The following VPS9D1 variants were observed in gnomAD, a reference collection of about 807,000 sequenced individuals.
VPS9D1 encodes VPS9 domain-containing protein 1.
In VPS9D1, 78 loss-of-function variants were observed where a neutral mutation model predicts 75.8. The ratio of observed to expected loss-of-function variants is 1.03; its 90% CI spans 0.86 to 1.24. The LOEUF (loss-of-function observed/expected upper bound fraction) is 1.24. Ranked by LOEUF, VPS9D1 falls within the 50% of genes most tolerant of loss-of-function variation. VPS9D1 has a pLI of 0.00. For synonymous variants in VPS9D1, 481 were observed against 385.6 expected, an observed-to-expected ratio of 1.25 and a Z score of -2.90; for missense variants, 1,057 against 847.7, an observed-to-expected ratio of 1.25 and a Z score of -3.07.
At position 89,711,917 on chromosome 16, in the gene VPS9D1, G is replaced by A. The variant is rs969604481; in HGVS notation, c.712C>T (p.Leu238Phe). The A allele has an allele frequency of 4.5e-6, 7 of 1,551,450 alleles. No individual in the cohort carries two copies. The highest frequency in any genetic ancestry group is 3.3e-4 in the Middle Eastern group (2 of 6,006). Residue 238 changes from leucine (L) to phenylalanine (F), a missense_variant, in exon 8 of 15, where the codon CTT (leucine) becomes TTT (phenylalanine). Transcript: ENST00000389386. ...TCGTACTCCAGGATGGCGGCGTAAA[G>A]GGCCCGCTGCTCCCGTTCCTCCGGG... ...LTPEEREQRA[L>F]YAAILEYEQD...
In VPS9D1 at chr16:89,708,505, AG is replaced by A. The variant is rs1346224346; in HGVS notation, c.1723del (p.Leu575CysfsTer6). On this transcript the variant is annotated frameshift_variant, in exon 14 of 15. Transcript: ENST00000389386. LOFTEE classifies it high-confidence loss of function. The stretch of plus-strand genomic sequence containing the variant: ...GCCGCTCCTCAGCACCACGAAGGAC[AG>A]GATGGGCAGCAGGTCATCGGCACCA... ...AIGADDLLPI[L>X]SFVVLRSGLP... 6.2e-7 allele frequency: 1 copy of A among 1,613,124 alleles called. No individual in the cohort carries two copies. The highest frequency in any genetic ancestry group is 1.3e-5 in the African/African-American group (1 of 75,078).
rs1450803040 is a variant in VPS9D1 at position 89,709,632 on chromosome 16, CAG to C, written c.1388+143_1388+144del. 5 of 1,393,610 alleles carry C rather than the reference CAG, an allele frequency of 3.6e-6. No homozygotes were observed. The African/African-American group carries it at 5.8e-5, about 16-fold the overall frequency. The allele number at this position is 1,393,610 out of a possible 1,614,324, so 86.3% of individuals were successfully genotyped here. A position where few individuals can be genotyped will look rare whatever the true frequency, so the allele number is the denominator to read the frequency against. On this transcript the variant is annotated intron_variant, in intron 11 of 14. Transcript: ENST00000389386. ...AACTGGAAGCCCCTGAGGATGGCCT[CAG>C]GGTAAAGCACAGGCTAGGGGGAGCA...
chr16:89,708,574 TCTCA>T lies in VPS9D1; in HGVS notation c.1698-47_1698-44del, dbSNP rs753317950. 3.2e-6 allele frequency: 5 copies of T among 1,575,722 alleles called. No individual in the cohort carries two copies. The African/African-American group carries it at 5.4e-5, about 17-fold the overall frequency. On this transcript the variant is annotated intron_variant, in intron 13 of 14. Coordinates refer to ENST00000389386, the MANE Select transcript of VPS9D1 (RefSeq NM_004913.3). ...CGGCCTTGGGTTGGGGCCAGGAGCC[TCTCA>T]CTCCGCAAACCCAGCAGCTGTGGAG...
Position 89,707,806 on chromosome 16 carries a change from A to T in VPS9D1, c.*55T>A. The stretch of plus-strand genomic sequence containing the variant: ...GATCCCATGGCTCCAGGTGTAGGAG[A>T]GACAGCCCTGGGAGGCGAGGCCAGG... On this transcript the variant is annotated 3_prime_UTR_variant, in exon 15 of 15. Transcript: ENST00000389386. 1 of 1,516,870 alleles carries T rather than the reference A, an allele frequency of 6.6e-7. No homozygotes were observed. Among genetic ancestry groups the T allele is most frequent in the Non-Finnish European group, 9.1e-7 (1 of 1,094,742 alleles). 94.0% of individuals were successfully genotyped at this position (1,516,870 alleles called of 1,614,324 possible).
Position 89,712,601 on chromosome 16 carries a change from T to G in VPS9D1, c.543+4A>C. ...CCCCCAGGCCCTCCCTAGCCCCCAC[T>G]CACCAGGGATGTCTTCTGCATGGCC... On this transcript the variant is annotated splice_donor_region_variant and intron_variant, in intron 5 of 14. Coordinates refer to ENST00000389386, the MANE Select transcript of VPS9D1 (RefSeq NM_004913.3). 1 of 1,608,242 alleles carries G rather than the reference T, an allele frequency of 6.2e-7. No individual in the cohort carries two copies. The highest frequency in any genetic ancestry group is 1.1e-5 in the South Asian group (1 of 90,930).
In VPS9D1 at chr16:89,712,062, T is replaced by G; in HGVS notation, c.644A>C (p.Gln215Pro). Reference protein sequence around the residue: ...RKMEERRLRLQEAANRRFCSQ... With the variant: ...RKMEERRLRLPEAANRRFCSQ... The stretch of plus-strand genomic sequence containing the variant: ...GGAGTCCCACCTGTTGGCGGCCTCC[T>G]GGAGCCGCAGCCGGCGCTCCTCCAT... Residue 215 changes from glutamine (Q) to proline (P), a missense_variant, in exon 7 of 15, where the codon CAG becomes CCG. Gln to Pro is a moderately conservative substitution (Grantham distance 76). Coordinates refer to ENST00000389386, the MANE Select transcript of VPS9D1 (RefSeq NM_004913.3). 2 of 1,548,666 alleles carry G rather than the reference T, an allele frequency of 1.3e-6. No homozygotes were observed. The highest frequency in any genetic ancestry group is 1.7e-6 in the Non-Finnish European group (2 of 1,146,790).
At chr16:89,712,750 G>A in intron 4 of VPS9D1, 34 bp from the exon 5 acceptor site, 2 of 1,512,208 alleles carry the variant, frequency 1.3e-6, no homozygotes, top group East Asian at 2.3e-5. Context: ...CTAGACCCCA[G>A]GAAGCCCAGT....
At chr16:89,715,956 C>T (rs896996513) in intron 4 of VPS9D1, among the ~76,000 whole-genome samples, 2 of 150,578 alleles carry the variant, frequency 1.3e-5, no homozygotes, top group South Asian at 2.2e-4. Flanking sequence ...GGATTACAGG[C>T]GTGAGCCACC....
chr16:89,711,618 TGGGACCCTCCCTCCTCGCA>T (rs946352843), intron 8 of VPS9D1: 69 of 523,034 alleles, frequency 1.3e-4, no homozygotes, highest in Middle Eastern at 5.2e-4. Flanking sequence ...GCACCCTCGC[TGGGACCCTCCCTCCTCGCA>T]GGGACCCTCC....
chr16:89,715,019 G>A (rs1007376895), intron 4 of VPS9D1, among the ~76,000 whole-genome samples: 1 of 152,058 alleles, frequency 6.6e-6, no homozygotes, highest in Non-Finnish European at 1.5e-5. Flanking sequence ...GAACTCCAAC[G>A]AACACGTTAG....
At chr16:89,720,483 C>CT (rs1453738318) in intron 1 of VPS9D1, 1 of 1,112,266 alleles carries the variant, frequency 9.0e-7, no homozygotes, top group African/African-American at 1.6e-5. Context: ...CTGGCGGACC[C>CT]TCCTGCTACA....
chr16:89,711,919 G>T lies in VPS9D1; in HGVS notation c.710C>A (p.Ala237Asp), dbSNP rs1299664247. 1.1e-5 allele frequency: 17 copies of T among 1,551,458 alleles called. No homozygotes were observed. Among genetic ancestry groups the T allele is most frequent in the Non-Finnish European group, 1.5e-5 (17 of 1,147,164 alleles). ...ALTPEEREQR[A>D]LYAAILEYEQ... ...GTACTCCAGGATGGCGGCGTAAAGG[G>T]CCCGCTGCTCCCGTTCCTCCGGGGT... Residue 237 changes from alanine to aspartate, a missense_variant, in exon 8 of 15, where the codon GCC (alanine) becomes GAC (aspartate). Transcript: ENST00000389386.
At chr16:89,712,353 C>T (rs2060952052) in intron 6 of VPS9D1, 107 bp downstream of exon 6, 5 of 1,526,746 alleles carry the variant, frequency 3.3e-6, no homozygotes, top group East Asian at 2.3e-5. Flanking sequence ...CGGCCCTGTA[C>T]CCCGACCCCG....
rs755195545 is a variant in VPS9D1 at position 89,709,354 on chromosome 16, G to A, written c.1470C>T (p.Ile490=). Residue 490 remains isoleucine (I), a synonymous_variant, in exon 12 of 15, where the codon ATC becomes ATT. Transcript: ENST00000389386. The part of the protein sequence containing the change: ...YRNAPPTAIG[I]PTKLLPQNPE... Reference sequence around the variant, plus strand: ...GGTTCTGGGGGAGGAGCTTGGTGGGGATGCCAATGGCGGTGGGGGGTGCAT... The same window carrying A: ...GGTTCTGGGGGAGGAGCTTGGTGGGAATGCCAATGGCGGTGGGGGGTGCAT... 1.0e-5 allele frequency: 16 copies of A among 1,584,326 alleles called. No individual in the cohort carries two copies. The South Asian group carries it at 1.8e-4, about 18-fold the overall frequency.
chr16:89,719,183 G>T, intron 1 of VPS9D1, 81 bp from the exon 2 acceptor site: 2 of 1,307,096 alleles, frequency 1.5e-6, no homozygotes, highest in Non-Finnish European at 2.2e-6. Context: ...GCCCTTGTGG[G>T]ATAAGCAAGG....
At chr16:89,714,655 T>G (rs575378132) in intron 4 of VPS9D1, among the ~76,000 whole-genome samples, 1 of 152,368 alleles carries the variant, frequency 6.6e-6, no homozygotes, top group East Asian at 1.9e-4. Context: ...CTGGGCTTTT[T>G]GCATTTGTGT....
At chr16:89,720,736 C>A (rs2061240280) in intron 1 of VPS9D1, 27 bp downstream of exon 1, 2 of 1,427,126 alleles carry the variant, frequency 1.4e-6, no homozygotes, top group Non-Finnish European at 1.8e-6. Context: ...CCCTCAGCGG[C>A]CAAGCCCCGC....
chr16:89,712,769 G>C, intron 4 of VPS9D1, 53 bp from the exon 5 acceptor site: 5 of 1,426,852 alleles, frequency 3.5e-6, no homozygotes, highest in Non-Finnish European at 4.7e-6. Flanking sequence ...GTGGTGTCTG[G>C]ACACCAGAGG....
At chr16:89,709,023 C>T in intron 12 of VPS9D1, 67 bp from the exon 13 acceptor site, 1 of 1,408,918 alleles carries the variant, frequency 7.1e-7, no homozygotes, top group Admixed American at 2.3e-5. Flanking sequence ...CCCTTATACC[C>T]CGCCCACCCA....
Sources: allele counts gnomAD v4.1 joint callset (sites outside exome capture counted in the v4.1 genomes callset), GRCh38; gene constraint gnomAD v4.1.1; transcripts MANE v1.5; gene names NCBI Gene and HGNC (gene_info 2026-07-23, HGNC 2026-07-21).